TCP11L2: variants seen among roughly 807,000 people sequenced by gnomAD.
TCP11L2 encodes T-complex protein 11-like protein 2.
In TCP11L2, 39 loss-of-function variants were observed where a neutral mutation model predicts 50.7. The ratio of observed to expected loss-of-function variants is 0.77; its 90% confidence interval spans 0.60 to 1.01. The LOEUF is 1.01. TCP11L2 is among the 50% of genes least tolerant of loss of function. The pLI, the probability that TCP11L2 is intolerant of heterozygous loss-of-function variation, is 0.00. For missense variants in TCP11L2, 612 were observed against 614.7 expected (o/e 1.00, Z 0.05); for synonymous variants, 192 against 219.3 (o/e 0.88, Z 1.10).
At chr12:106,345,967 C>T (rs2253054) in intron 9 of TCP11L2, among the ~76,000 whole-genome samples, 33,509 of 152,028 alleles carry the variant, frequency 0.22, 5,240 homozygotes, top group East Asian at 0.72. Flanking sequence ...ATTCTCATGG[C>T]GGTAGTAGGT....
At position 106,314,399 on chromosome 12, in the gene TCP11L2, G is replaced by T; in HGVS notation, c.199G>T (p.Ala67Ser). 6.2e-7 allele frequency: 1 copy of T among 1,613,028 alleles called. No homozygotes were observed. Among genetic ancestry groups the T allele is most frequent in the Non-Finnish European group, 8.5e-7 (1 of 1,179,150 alleles). The change falls in exon 3 of 10, where the codon GCT becomes TCT. Residue 67 changes from alanine to serine, a missense_variant. Coordinates refer to ENST00000299045, the MANE Select transcript of TCP11L2 (RefSeq NM_152772.3). ...GGTTGTAACATTTGATGAAGTGATG[G>T]CTACAGCAAGGAACTTATCAAACTT... is the stretch of plus-strand genomic sequence containing the variant. The part of the protein sequence containing the change: ...PRVVTFDEVM[A>S]TARNLSNLTL...
At chr12:106,315,124 T>C (rs2035028211) in intron 3 of TCP11L2, among the ~76,000 whole-genome samples, 1 of 151,890 alleles carries the variant, frequency 6.6e-6, no homozygotes, top group Non-Finnish European at 1.5e-5. Flanking sequence ...TAATCCCAGC[T>C]ACTTGGGAGG....
intron 8 of TCP11L2, among the ~76,000 whole-genome samples, chr12:106,338,656 T>C (rs1321269992): frequency 2.6e-5 from 4 of 152,240 alleles, no homozygotes; most frequent in African/African-American, 9.6e-5. Context: ...ATAGAGTGAT[T>C]TCTATTCCTT....
upstream of TCP11L2, among the ~76,000 whole-genome samples, chr12:106,298,525 T>A (rs2034376571): frequency 6.6e-6 from 1 of 152,178 alleles, no homozygotes; most frequent in Admixed American, 6.5e-5. Context: ...TAATTTTTAG[T>A]TTAAAATTTT....
rs190551709 is a variant in TCP11L2 at position 106,322,102 on chromosome 12, C to T, written c.635+396C>T. Among the ~76,000 whole-genome samples the T allele has an allele frequency of 1.2e-3, 186 of 152,264 alleles. 4 individuals are homozygous for T. Among genetic ancestry groups the T allele is most frequent in the Non-Finnish European group, 2.4e-4 (16 of 68,028 alleles). ...TCAAGGCTTCTTTATTAGTTAGGGT[C>T]ACTAGCTGCTATAACACATAAACCC... On this transcript the variant is annotated intron_variant, in intron 5 of 9. Coordinates refer to ENST00000299045, the MANE Select transcript of TCP11L2 (RefSeq NM_152772.3).
intron 1 of TCP11L2, among the ~76,000 whole-genome samples, chr12:106,310,230 AATCCCC>A (rs1434834065): frequency 3.3e-5 from 5 of 152,130 alleles, no homozygotes; most frequent in Admixed American, 2.0e-4. Context: ...TCATGTAGTA[AATCCCC>A]TTATCCCTCT....
chr12:106,318,442 A>G lies in TCP11L2; in HGVS notation c.392A>G (p.Lys131Arg), dbSNP rs1555202299. The stretch of plus-strand genomic sequence containing the variant: ...CCTCCTGAGTTTGAACATGCCATCA[A>G]ACTGTTTGAAGAAATCAGAGAGGCA... ...ADPPEFEHAI[K>R]LFEEIREILL... The change falls in exon 4 of 10, where the codon AAA becomes AGA. Residue 131 changes from lysine (K) to arginine (R), a missense_variant. Physicochemically the swap from Lys to Arg is conservative, Grantham distance 26. Coordinates refer to ENST00000299045, the MANE Select transcript of TCP11L2 (RefSeq NM_152772.3). 6.2e-7 allele frequency: 1 copy of G among 1,613,874 alleles called. No homozygotes were observed. Among genetic ancestry groups the G allele is most frequent in the Non-Finnish European group, 8.5e-7 (1 of 1,179,860 alleles).
At chr12:106,336,274 G>C in intron 8 of TCP11L2, 61 bp downstream of exon 8, 1 of 1,449,966 alleles carries the variant, frequency 6.9e-7, no homozygotes, top group Non-Finnish European at 9.3e-7. Context: ...GTGTCTCAGA[G>C]AACAAGAATG....
chr12:106,317,332 G>A (rs2250709), intron 3 of TCP11L2, among the ~76,000 whole-genome samples: 88,612 of 151,812 alleles, frequency 0.58, 26,280 homozygotes, highest in East Asian at 0.77. Flanking sequence ...CCTGCCCGAC[G>A]TGGTGAAACC....
At chr12:106,305,646 TGCTCTA>T (rs2034597329) in intron 1 of TCP11L2, among the ~76,000 whole-genome samples, 1 of 152,214 alleles carries the variant, frequency 6.6e-6, no homozygotes, top group Non-Finnish European at 1.5e-5. Flanking sequence ...ACTGAGCTCC[TGCTCTA>T]GCCCTAGCGG....
intron 6 of TCP11L2, 46 bp from the exon 7 acceptor site, chr12:106,335,593 G>A: frequency 1.6e-5 from 26 of 1,586,968 alleles, no homozygotes; most frequent in Non-Finnish European, 2.2e-5. Context: ...CACCAGTGAA[G>A]GGATCAATCA....
intron 6 of TCP11L2, among the ~76,000 whole-genome samples, chr12:106,329,169 CTG>C (rs577258297): frequency 2.0e-4 from 31 of 152,256 alleles, no homozygotes; most frequent in South Asian, 1.7e-3. Flanking sequence ...GTTCTGGTGT[CTG>C]TCTCTCCCTT....
chr12:106,328,493 G>A (rs916028923), intron 6 of TCP11L2, among the ~76,000 whole-genome samples: 1 of 152,190 alleles, frequency 6.6e-6, no homozygotes. Flanking sequence ...GCAGTGAGCC[G>A]AGATTGCGCC....
upstream of TCP11L2, among the ~76,000 whole-genome samples, chr12:106,299,234 A>T (rs1000355264): frequency 1.3e-5 from 2 of 152,078 alleles, no homozygotes; most frequent in Non-Finnish European, 2.9e-5. Context: ...ACTCTTGAAA[A>T]TTTTTTAATG....
chr12:106,340,761 T>C (rs1341138630), intron 8 of TCP11L2, 65 bp from the exon 9 acceptor site: 4 of 1,367,270 alleles, frequency 2.9e-6, no homozygotes, highest in Non-Finnish European at 4.0e-6. Context: ...CAAGTCTGTA[T>C]ATTAAAAATA....
intron 4 of TCP11L2, among the ~76,000 whole-genome samples, chr12:106,319,186 C>T (rs2035239906): frequency 6.6e-6 from 1 of 152,218 alleles, no homozygotes; most frequent in South Asian, 2.1e-4. Context: ...GCTGGGATTA[C>T]AGGCGTGAGC....
intron 2 of TCP11L2, among the ~76,000 whole-genome samples, chr12:106,311,854 A>G (rs1295881078): frequency 6.6e-6 from 1 of 151,780 alleles, no homozygotes. Flanking sequence ...TTGGCACTTT[A>G]TTTAGTAAAT....
intron 4 of TCP11L2, among the ~76,000 whole-genome samples, chr12:106,319,601 A>G (rs921744788): frequency 1.3e-5 from 2 of 152,246 alleles, no homozygotes; most frequent in Admixed American, 6.5e-5. Context: ...CAGGGTAGTC[A>G]TAAGAACTAA....
At chr12:106,329,442 A>T in intron 6 of TCP11L2, 1 of 1,534,466 alleles carries the variant, frequency 6.5e-7, no homozygotes, top group Non-Finnish European at 8.7e-7. Context: ...CTAAGAGAAG[A>T]GCCAACGTTT....
Sources: allele counts gnomAD v4.1 joint callset (sites outside exome capture counted in the v4.1 genomes callset), GRCh38; gene constraint gnomAD v4.1.1; transcripts MANE v1.5; gene names NCBI Gene and HGNC (gene_info 2026-07-23, HGNC 2026-07-21).